Variants in LRBA observed in about 807,000 individuals in gnomAD.
LRBA encodes the protein LPS responsive beige-like anchor protein.
LRBA carries 176 observed loss-of-function variants against 330.0 expected under a neutral mutation model. The observed-to-expected ratio is 0.53, with a 90% CI of 0.47 to 0.60. The LOEUF (loss-of-function observed/expected upper bound fraction) is 0.60. Ranked by LOEUF, LRBA falls within the 20% of genes least tolerant of loss-of-function variation. The pLI is 0.00. For synonymous variants in LRBA, 1,230 were observed against 1,193.0 expected, an observed-to-expected ratio of 1.03 and a Z score of -0.64; for missense variants, 3,259 against 3,444.8, an observed-to-expected ratio of 0.95 and a Z score of 1.35.
chr4:150,918,750 AAAAC>A (rs1247582803), intron 5 of LRBA, among the ~76,000 whole-genome samples: 5 of 152,212 alleles, frequency 3.3e-5, no homozygotes, highest in Non-Finnish European at 5.9e-5. Flanking sequence ...CTTCATCTCA[AAAAC>A]AAACAAACAA....
In LRBA at chr4:150,341,723, T is replaced by G. The variant is rs185150881; in HGVS notation, c.7362+8269A>C. On this transcript the variant is annotated intron_variant, in intron 48 of 56. Transcript: ENST00000651943. ...TTGCCATATATATAATATATATATA[T>G]TTATTTACATACACACAGACATATG... is the stretch of plus-strand genomic sequence containing the variant. Among the ~76,000 whole-genome samples, 921 of 151,312 alleles carry G rather than the reference T, an allele frequency of 6.1e-3. 7 individuals are homozygous for G. The highest frequency in any genetic ancestry group is 0.01 in the Middle Eastern group (3 of 290).
rs1462554882 is a variant in LRBA at position 150,405,600 on chromosome 4, AAC to A, written c.7194+9836_7194+9837del. On this transcript the variant is annotated intron_variant, in intron 47 of 56. Coordinates refer to ENST00000651943, the MANE Select transcript of LRBA (RefSeq NM_001364905.1). ...TTCTTTAGGAGATAAAAGATCATAT[AAC>A]ACAACATTTATAACACTGCATAGTA... Among the ~76,000 whole-genome samples the A allele has an allele frequency of 3.9e-5, 6 of 152,030 alleles. No individual in the cohort carries two copies. In the East Asian group the frequency reaches 1.2e-3, roughly 29 times the overall value.
chr4:150,349,077 A>G (rs1736793755), intron 48 of LRBA, among the ~76,000 whole-genome samples: 1 of 152,230 alleles, frequency 6.6e-6, no homozygotes, highest in South Asian at 2.1e-4. Context: ...TCTAGTACAC[A>G]GTGCTTTTGT....
At chr4:150,361,013 A>T (rs1418734185) in intron 47 of LRBA, among the ~76,000 whole-genome samples, 1 of 152,220 alleles carries the variant, frequency 6.6e-6, no homozygotes, top group Non-Finnish European at 1.5e-5. Context: ...TCTATCAGTT[A>T]TGTACTTTAA....
intron 2 of LRBA, among the ~76,000 whole-genome samples, chr4:150,953,472 C>A (rs1410804197): frequency 6.1e-5 from 9 of 147,122 alleles, no homozygotes; most frequent in Admixed American, 5.5e-4. Flanking sequence ...CTGCCTGATT[C>A]TCCTGCCTCA....
chr4:150,922,493 T>G (rs1733411575), intron 4 of LRBA, among the ~76,000 whole-genome samples: 1 of 151,754 alleles, frequency 6.6e-6, no homozygotes, highest in South Asian at 2.1e-4. Context: ...TGGAAACTAT[T>G]ATTCTAAGTG....
intron 47 of LRBA, among the ~76,000 whole-genome samples, chr4:150,354,773 T>C (rs1166343321): frequency 6.6e-6 from 1 of 152,096 alleles, no homozygotes; most frequent in African/African-American, 2.4e-5. Flanking sequence ...TCAGATATGC[T>C]AAAAAGTACA....
intron 42 of LRBA, among the ~76,000 whole-genome samples, chr4:150,472,149 A>G (rs987555118): frequency 5.3e-5 from 8 of 152,098 alleles, no homozygotes; most frequent in Non-Finnish European, 8.8e-5. Flanking sequence ...TACATTATAA[A>G]TTTAAATATA....
intron 2 of LRBA, among the ~76,000 whole-genome samples, chr4:150,985,699 C>T (rs1327931995): frequency 2.0e-5 from 3 of 151,952 alleles, no homozygotes; most frequent in African/African-American, 7.3e-5. Context: ...GGGATTTCAT[C>T]GTGTTAGCCA....
At chr4:150,693,058 G>A (rs909351380) in intron 36 of LRBA, among the ~76,000 whole-genome samples, 6 of 151,950 alleles carry the variant, frequency 3.9e-5, no homozygotes, top group Admixed American at 2.0e-4. Flanking sequence ...CTACATATTC[G>A]GAATAGCTAA....
chr4:150,549,108 T>G (rs558729830), intron 40 of LRBA, among the ~76,000 whole-genome samples: 25 of 152,150 alleles, frequency 1.6e-4, no homozygotes, highest in African/African-American at 5.8e-4. Context: ...ATGAATATAT[T>G]CTAAGATATA....
chr4:150,321,216 C>T lies in LRBA; in HGVS notation c.7605G>A (p.Ala2535=), dbSNP rs186768838. 58 of 1,607,360 alleles carry T rather than the reference C, an allele frequency of 3.6e-5. No homozygotes were observed. Among genetic ancestry groups the T allele is most frequent in the East Asian group, 1.1e-4 (5 of 44,484 alleles). ...CAGGAAGGTTGTGCCATTTGTTCAC[C>T]GCAAATAACCTGTTAGCAGTGACTG... ...VITVTANRLF[A]VNKWHNLPAH... is the part of the protein sequence containing the mutation. The change falls in exon 50 of 57, where the codon GCG becomes GCA. Residue 2535 remains alanine, a synonymous_variant. Coordinates refer to ENST00000651943, the MANE Select transcript of LRBA (RefSeq NM_001364905.1). The surrounding 1 kb of genome is among the most constrained non-coding windows in gnomAD (Gnocchi z 4.5).
At chr4:150,966,892 A>T (rs1379816701) in intron 2 of LRBA, among the ~76,000 whole-genome samples, 2 of 152,194 alleles carry the variant, frequency 1.3e-5, no homozygotes, top group Non-Finnish European at 2.9e-5. Context: ...TAATATTTAA[A>T]TGTCTTCCTC....
intron 9 of LRBA, among the ~76,000 whole-genome samples, chr4:150,911,482 G>A (rs1378288990): frequency 6.6e-6 from 1 of 152,052 alleles, no homozygotes; most frequent in Non-Finnish European, 1.5e-5. Flanking sequence ...TTCACTGTTA[G>A]TGTGGTACAT....
chr4:150,342,584 G>A (rs913567943), intron 48 of LRBA, among the ~76,000 whole-genome samples: 1 of 152,082 alleles, frequency 6.6e-6, no homozygotes, highest in Non-Finnish European at 1.5e-5. Context: ...TGTGCTGCAG[G>A]CTGTTTCTCT....
At chr4:150,274,503 C>T (rs1382771892) in intron 56 of LRBA, among the ~76,000 whole-genome samples, 3 of 152,048 alleles carry the variant, frequency 2.0e-5, no homozygotes, top group African/African-American at 7.2e-5. Context: ...ATCAATGAAT[C>T]CAGGAGCTGG....
chr4:150,265,766 T>C lies in LRBA; in HGVS notation c.8515A>G (p.Asn2839Asp), dbSNP rs529665764. Reference protein sequence around the residue: ...MASGSIVLFYNDFNRWHHEYQ... With the variant: ...MASGSIVLFYDDFNRWHHEYQ... The stretch of plus-strand genomic sequence containing the variant: ...TCATGATGCCACCGGTTAAAGTCGT[T>C]GTAAAATAGCACAATGCTTCCTGAA... Residue 2839 changes from asparagine to aspartate, a missense_variant, in exon 57 of 57, where the codon AAC (asparagine) becomes GAC (aspartate). Coordinates refer to ENST00000651943, the MANE Select transcript of LRBA (RefSeq NM_001364905.1). 1.7e-5 allele frequency: 28 copies of C among 1,613,714 alleles called. No individual in the cohort carries two copies. The highest frequency in any genetic ancestry group is 6.6e-5 in the South Asian group (6 of 91,050).
chr4:150,743,713 AG>A (rs1732319088), intron 35 of LRBA, among the ~76,000 whole-genome samples: 1 of 152,214 alleles, frequency 6.6e-6, no homozygotes, highest in Non-Finnish European at 1.5e-5. Context: ...GTTGTGAAAA[AG>A]ACCATGTGTA....
intron 37 of LRBA, among the ~76,000 whole-genome samples, chr4:150,638,358 A>C (rs1252463238): frequency 6.6e-6 from 1 of 152,006 alleles, no homozygotes; most frequent in Non-Finnish European, 1.5e-5. Flanking sequence ...TTTCTCTTTA[A>C]TTTCTCTCAG....
Sources: allele counts gnomAD v4.1 joint callset (sites outside exome capture counted in the v4.1 genomes callset), GRCh38; gene constraint gnomAD v4.1.1; non-coding constraint Gnocchi (gnomAD v3.1); transcripts MANE v1.5; gene names NCBI Gene and HGNC (gene_info 2026-07-23, HGNC 2026-07-21).